The following CKM variants were observed in gnomAD, a reference collection of about 807,000 sequenced individuals.
CKM encodes the protein creatine kinase M-type.
A neutral mutation model predicts 35.4 loss-of-function variants in CKM; 28 were observed. The ratio of observed to expected loss-of-function variants is 0.79; its 90% CI spans 0.59 to 1.08. The LOEUF is 1.08. Among genes scored for constraint, CKM ranks in the 50% least tolerant of loss-of-function variants. CKM has a pLI of 0.00. For synonymous variants in CKM, 215 were observed against 204.4 expected, an observed-to-expected ratio of 1.05 and a Z score of -0.44; for missense variants, 484 against 509.8, an observed-to-expected ratio of 0.95 and a Z score of 0.49.
chr19:45,320,867 A>G (rs1971206667), intron 1 of CKM, among the ~76,000 whole-genome samples: 1 of 149,486 alleles, frequency 6.7e-6, no homozygotes. Flanking sequence ...CTGGTACACA[A>G]TAAGCATTAT....
At chr19:45,319,846 A>C (rs1445642772) in intron 1 of CKM, 115 bp from the exon 2 acceptor site, 2 of 813,852 alleles carry the variant, frequency 2.5e-6, no homozygotes, top group Non-Finnish European at 3.9e-6. Flanking sequence ...GCTGGAGTGC[A>C]GTGGCACGAT....
intron 1 of CKM, 41 bp downstream of exon 1, chr19:45,322,780 C>T: frequency 1.0e-6 from 1 of 981,584 alleles, no homozygotes; most frequent in Non-Finnish European, 1.2e-6. Flanking sequence ...ACAGAAATCC[C>T]CTACTCTGGC....
chr19:45,310,099 G>A (rs1281559425), intron 5 of CKM, among the ~76,000 whole-genome samples: 1 of 145,650 alleles, frequency 6.9e-6, no homozygotes, highest in Non-Finnish European at 1.5e-5. Context: ...TGAACACTTA[G>A]TGTATACCAG....
Position 45,308,528 on chromosome 19 carries a change from T to C in CKM, c.658A>G (p.Asn220Asp). The change falls in exon 6 of 8, where the codon AAT becomes GAT. Residue 220 changes from asparagine to aspartate, a missense_variant. Coordinates refer to ENST00000221476, the MANE Select transcript of CKM (RefSeq NM_001824.5). ...CACACCAGGAAGCTCTTGTTGTCATTGTGCCTAGAGTAAGGTGCCGCAGCA... is the reference window on the plus strand; with the variant it reads ...CACACCAGGAAGCTCTTGTTGTCATCGTGCCTAGAGTAAGGTGCCGCAGCA... ...DWPDARGIWH[N>D]DNKSFLVWVN... 1.2e-6 allele frequency: 2 copies of C among 1,614,004 alleles called. No homozygotes were observed. The highest frequency in any genetic ancestry group is 1.7e-6 in the Non-Finnish European group (2 of 1,179,964).
Position 45,322,843 on chromosome 19 carries a change from G to A in CKM, c.-41C>T, listed in dbSNP as rs1423584060. 1.0e-6 allele frequency: 1 copy of A among 986,100 alleles called. No homozygotes were observed. Among genetic ancestry groups the A allele is most frequent in the Non-Finnish European group, 1.2e-6 (1 of 830,544 alleles). The allele number at this position is 986,100 out of a possible 1,614,324, so 61.1% of individuals were successfully genotyped here. A position where few individuals can be genotyped will look rare whatever the true frequency, so the allele number is the denominator to read the frequency against. On this transcript the variant is annotated 5_prime_UTR_variant, in exon 1 of 8. Coordinates refer to ENST00000221476, the MANE Select transcript of CKM (RefSeq NM_001824.5). ...TACCTGGCTGGGCTGGGCTGAAGGG[G>A]GGCTGTCTGTATCCTGGAGGTGACA...
intron 5 of CKM, among the ~76,000 whole-genome samples, chr19:45,311,463 T>C (rs1971108961): frequency 6.6e-6 from 1 of 151,426 alleles, no homozygotes; most frequent in African/African-American, 2.4e-5. Flanking sequence ...TGACCTCAAG[T>C]GATCCCCCCG....
intron 1 of CKM, 23 bp downstream of exon 1, chr19:45,322,798 C>G: frequency 3.0e-6 from 3 of 985,594 alleles, no homozygotes; most frequent in Non-Finnish European, 3.6e-6. Context: ...GGCCCCCACC[C>G]AGATTCCCGC....
At chr19:45,317,279 T>TTTTA (rs889327816) in intron 3 of CKM, among the ~76,000 whole-genome samples, 7 of 150,514 alleles carry the variant, frequency 4.7e-5, no homozygotes, top group Admixed American at 2.0e-4. Flanking sequence ...AGCTAATTTA[T>TTTTA]TTTATTTATT....
In CKM at chr19:45,306,452, A is replaced by G; in HGVS notation, c.*298T>C. 4.2e-6 allele frequency: 2 copies of G among 480,192 alleles called. No individual in the cohort carries two copies. The highest frequency in any genetic ancestry group is 5.9e-4 in the Middle Eastern group (1 of 1,700). The allele number at this position is 480,192 out of a possible 1,614,324, so 29.7% of individuals were successfully genotyped here. ...CTTTTATTTATCGCTTTGCGTGGAG[A>G]CAAAGCACAAGCTCCGAGTGTGCTG... On this transcript the variant is annotated 3_prime_UTR_variant, in exon 8 of 8. Transcript: ENST00000221476. The surrounding 1 kb of genome is among the most constrained non-coding windows in gnomAD (Gnocchi z 4.5).
At position 45,322,043 on chromosome 19, in the gene CKM, C is replaced by A. The variant is rs1027067614; in HGVS notation, c.-19+778G>T. On this transcript the variant is annotated intron_variant, in intron 1 of 7. Coordinates refer to ENST00000221476, the MANE Select transcript of CKM (RefSeq NM_001824.5). The stretch of plus-strand genomic sequence containing the variant: ...CCCACATTCCGGGGCTCGGCTTGCA[C>A]CAAGTCAGCAGGCCCAAGACAGGTG... 5.3e-5 allele frequency among the ~76,000 whole-genome samples: 8 copies of A among 152,074 alleles called. 1 individual carries two copies. The highest frequency in any genetic ancestry group is 1.2e-4 in the Non-Finnish European group (8 of 68,000).
At chr19:45,321,150 C>A (rs908421456) in intron 1 of CKM, among the ~76,000 whole-genome samples, 4 of 151,674 alleles carry the variant, frequency 2.6e-5, no homozygotes. Context: ...GTGATCCGCC[C>A]ACCTCTGCCT....
rs998294482 is a variant in CKM, at chr19:45,310,038, G to C, written c.654-1506C>G. Among the ~76,000 whole-genome samples, 11 of 150,796 alleles carry C rather than the reference G, an allele frequency of 7.3e-5. No homozygotes were observed. The South Asian group carries it at 1.5e-3, about 20-fold the overall frequency. On this transcript the variant is annotated intron_variant, in intron 5 of 7. Coordinates refer to ENST00000221476, the MANE Select transcript of CKM (RefSeq NM_001824.5). ...TCAGGGATTCAAAGAGTCAAAACAA[G>C]TCTAGCAATAATACTTTATAATAAA...
intron 4 of CKM, among the ~76,000 whole-genome samples, chr19:45,313,932 G>A (rs1478170886): frequency 6.6e-6 from 1 of 152,060 alleles, no homozygotes. Flanking sequence ...AGACCAACAT[G>A]GGAGGATCAC....
chr19:45,319,975 G>C (rs1971198024), intron 1 of CKM, among the ~76,000 whole-genome samples: 1 of 151,546 alleles, frequency 6.6e-6, no homozygotes, highest in Admixed American at 6.6e-5. Flanking sequence ...ATTTTTAGTA[G>C]AGACGGGGTT....
chr19:45,308,559 C>G, intron 5 of CKM, 27 bp from the exon 6 acceptor site: 1 of 1,613,892 alleles, frequency 6.2e-7, no homozygotes, highest in African/African-American at 1.3e-5. Context: ...CAGCAAGAGG[C>G]CAAGGTGTCA....
At chr19:45,312,577 C>T (rs1382294558) in intron 4 of CKM, among the ~76,000 whole-genome samples, 1 of 152,000 alleles carries the variant, frequency 6.6e-6, no homozygotes, top group African/African-American at 2.4e-5. Context: ...CATGCGCCAC[C>T]ATGCCCGGCT....
At position 45,308,444 on chromosome 19, in the gene CKM, C is replaced by T; in HGVS notation, c.742G>A (p.Glu248Lys). ...ISMEKGGNMK[E>K]VFRRFCVGLQ... ...CCTACGCAGAAGCGGCGGAAAACCTCCTTCATGTTGCCCCCCTTCTCCATG... is the reference window on the plus strand; with the variant it reads ...CCTACGCAGAAGCGGCGGAAAACCTTCTTCATGTTGCCCCCCTTCTCCATG... Residue 248 changes from glutamate (E) to lysine (K), a missense_variant, in exon 6 of 8, where the codon GAG (glutamate) becomes AAG (lysine). Transcript: ENST00000221476. The T allele has an allele frequency of 6.2e-7, 1 of 1,614,182 alleles. No homozygotes were observed.
chr19:45,308,431 C>T lies in CKM; in HGVS notation c.755G>A (p.Arg252His), dbSNP rs1167863722. Residue 252 changes from arginine (R) to histidine (H), a missense_variant, in exon 6 of 8, where the codon CGC (arginine) becomes CAC (histidine). By Grantham distance (29) the Arg-to-His change is conservative. Transcript: ENST00000221476. ...KGGNMKEVFR[R>H]FCVGLQKIEE... ...CACCTTCTGCAGCCCTACGCAGAAG[C>T]GGCGGAAAACCTCCTTCATGTTGCC... is the stretch of plus-strand genomic sequence containing the variant. 1 of 1,614,140 alleles carries T rather than the reference C, an allele frequency of 6.2e-7. No individual in the cohort carries two copies. The highest frequency in any genetic ancestry group is 1.1e-5 in the South Asian group (1 of 91,082).
At chr19:45,311,524 C>A (rs1971109764) in intron 5 of CKM, among the ~76,000 whole-genome samples, 1 of 152,222 alleles carries the variant, frequency 6.6e-6, no homozygotes, top group African/African-American at 2.4e-5. Context: ...CCGTGCCCCG[C>A]CAAGTCTTAA....
Sources: allele counts gnomAD v4.1 joint callset (sites outside exome capture counted in the v4.1 genomes callset), GRCh38; gene constraint gnomAD v4.1.1; non-coding constraint Gnocchi (gnomAD v3.1); transcripts MANE v1.5; gene names NCBI Gene and HGNC (gene_info 2026-07-23, HGNC 2026-07-21).